NAGPA: variants seen among roughly 807,000 people sequenced by gnomAD.
NAGPA encodes N-acetylglucosamine-1-phosphodiester alpha-N-acetylglucosaminidase.
A neutral mutation model predicts 48.5 loss-of-function variants in NAGPA; 56 were observed. The ratio of observed to expected loss-of-function variants is 1.15; its 90% CI spans 0.93 to 1.44. The LOEUF (loss-of-function observed/expected upper bound fraction) is 1.44. NAGPA is among the 40% of genes most tolerant of loss of function. The pLI is 0.00. For missense variants in NAGPA, 888 were observed against 735.0 expected (o/e 1.21, Z -2.41); for synonymous variants, 399 against 315.5 (o/e 1.26, Z -2.81).
Position 5,031,815 on chromosome 16 carries a change from C to G in NAGPA, c.612G>C (p.Trp204Cys). ...TGTAGATGCTTCCATTACGAATCAGCCACACGACCCCACTCAGCAGCTGCA... is the reference window on the plus strand; with the variant it reads ...TGTAGATGCTTCCATTACGAATCAGGCACACGACCCCACTCAGCAGCTGCA... ...PFVQLLSGVV[W>C]LIRNGSIYIN... The change falls in exon 3 of 10, where the codon TGG (tryptophan) becomes TGC (cysteine). Residue 204 changes from tryptophan (W) to cysteine (C), a missense_variant. Transcript: ENST00000312251. 1 of 1,614,160 alleles carries G rather than the reference C, an allele frequency of 6.2e-7. No homozygotes were observed.
chr16:5,030,724 A>C, intron 3 of NAGPA: 4 of 586,698 alleles, frequency 6.8e-6, no homozygotes, highest in East Asian at 2.9e-5. Flanking sequence ...AGACCCTCTA[A>C]TGGTTTCCCC....
chr16:5,028,087 C>T lies in NAGPA; in HGVS notation c.1019G>A (p.Cys340Tyr), dbSNP rs1956036051. ...QPPDCHGHGT[C>Y]VDGHCQCTGH... is the part of the protein sequence containing the mutation. ...GGTGCATTGGCAGTGCCCGTCCACG[C>T]AGGTCCCGTGGCCGTGGCAGTCAGG... Residue 340 changes from cysteine (C) to tyrosine (Y), a missense_variant, in exon 6 of 10, where the codon TGC (cysteine) becomes TAC (tyrosine). Cys to Tyr is a radical substitution (Grantham distance 194). Coordinates refer to ENST00000312251, the MANE Select transcript of NAGPA (RefSeq NM_016256.4). 6.2e-7 allele frequency: 1 copy of T among 1,613,314 alleles called. No individual in the cohort carries two copies. Among genetic ancestry groups the T allele is most frequent in the Non-Finnish European group, 8.5e-7 (1 of 1,179,788 alleles).
Position 5,028,012 on chromosome 16 carries a change from G to A in NAGPA, c.1094C>T (p.Ser365Phe), listed in dbSNP as rs758613518. 2 of 1,613,242 alleles carry A rather than the reference G, an allele frequency of 1.2e-6. No individual in the cohort carries two copies. Among genetic ancestry groups the A allele is most frequent in the Non-Finnish European group, 1.7e-6 (2 of 1,179,870 alleles). ...GCACAGTCCGTGCTGGCTGCAGTTA[G>A]AGGGGCCACAGTCCAGCTCATCACA... is the stretch of plus-strand genomic sequence containing the variant. ...PGCDELDCGP[S>F]NCSQHGLCTE... The change falls in exon 6 of 10, where the codon TCT becomes TTT. Residue 365 changes from serine (S) to phenylalanine (F), a missense_variant. Ser to Phe is a radical substitution (Grantham distance 155). Transcript: ENST00000312251.
chr16:5,032,065 C>G (rs1263951907), intron 2 of NAGPA, among the ~76,000 whole-genome samples, 181 bp from the exon 3 acceptor site: 2 of 152,276 alleles, frequency 1.3e-5, no homozygotes, highest in South Asian at 2.1e-4. Flanking sequence ...GTTGTCAGAG[C>G]TGAAGCTGGA....
At chr16:5,028,264 CCT>C (rs1466259003) in intron 5 of NAGPA, 79 bp from the exon 6 acceptor site, 5 of 1,547,816 alleles carry the variant, frequency 3.2e-6, no homozygotes, top group South Asian at 1.2e-5. Flanking sequence ...CCCAACCACC[CCT>C]CTCTCCATTC....
chr16:5,030,461 C>T lies in NAGPA; in HGVS notation c.715G>A (p.Ala239Thr). The T allele has an allele frequency of 6.4e-7, 1 of 1,554,478 alleles. No individual in the cohort carries two copies. Among genetic ancestry groups the T allele is most frequent in the Non-Finnish European group, 8.7e-7 (1 of 1,148,276 alleles). The change falls in exon 4 of 10, where the codon GCC becomes ACC. Residue 239 changes from alanine (A) to threonine (T), a missense_variant. Physicochemically the swap from Ala to Thr is moderately conservative, Grantham distance 58 (BLOSUM62 0). Transcript: ENST00000312251. ...CGGTCGTGGCCAATGGCCGTCCTGGCTGATATCACATTCACAAATTTGCTA... is the reference window on the plus strand; with the variant it reads ...CGGTCGTGGCCAATGGCCGTCCTGGTTGATATCACATTCACAAATTTGCTA... ...SFSKFVNVIS[A>T]RTAIGHDRKG...
chr16:5,033,791 A>ACC lies in NAGPA; in HGVS notation c.86+36_86+37dup, dbSNP rs755613116. The ACC allele has an allele frequency of 1.3e-6, 2 of 1,565,944 alleles. No individual in the cohort carries two copies. The highest frequency in any genetic ancestry group is 2.7e-5 in the African/African-American group (2 of 73,518). ...CTCGTGAGCTCGGAGGACAGGGGGG[A>ACC]CCCCCCGAACCAGGCTGGCCCAGGG... On this transcript the variant is annotated intron_variant, in intron 1 of 9. Coordinates refer to ENST00000312251, the MANE Select transcript of NAGPA (RefSeq NM_016256.4). The surrounding 1 kb of genome is among the most constrained non-coding windows in gnomAD (Gnocchi z 4.2).
intron 4 of NAGPA, 148 bp downstream of exon 4, chr16:5,030,237 T>G: frequency 1.4e-6 from 1 of 721,076 alleles, no homozygotes; most frequent in Non-Finnish European, 2.4e-6. Context: ...CCTCATCCTG[T>G]GGGAAGGTGA....
Position 5,033,093 on chromosome 16 carries a change from G to GC in NAGPA, c.542+179dup. The stretch of plus-strand genomic sequence containing the variant: ...GGGCGCGGCACATTGCCTGATACAA[G>GC]CAAGTGCTCAATGATACTGGATGAT... On this transcript the variant is annotated intron_variant, in intron 2 of 9. Coordinates refer to ENST00000312251, the MANE Select transcript of NAGPA (RefSeq NM_016256.4). The surrounding 1 kb of genome is among the most constrained non-coding windows in gnomAD (Gnocchi z 4.2). The GC allele has an allele frequency of 1.3e-6, 1 of 744,712 alleles. No individual in the cohort carries two copies. The highest frequency in any genetic ancestry group is 2.2e-6 in the Non-Finnish European group (1 of 455,326). 46.1% of individuals were successfully genotyped at this position (744,712 alleles called of 1,614,324 possible). A position where few individuals can be genotyped will look rare whatever the true frequency, so the allele number is the denominator to read the frequency against.
At chr16:5,026,953 C>T (rs1956011613) in intron 9 of NAGPA, among the ~76,000 whole-genome samples, 182 bp downstream of exon 9, 1 of 152,170 alleles carries the variant, frequency 6.6e-6, no homozygotes, top group African/African-American at 2.4e-5. Context: ...AGGCTGGGCA[C>T]TCGAAGGCCC....
At position 5,033,917 on chromosome 16, in the gene NAGPA, T is replaced by C. The variant is rs965876900; in HGVS notation, c.-3A>G. 5.2e-6 allele frequency: 8 copies of C among 1,548,788 alleles called. No homozygotes were observed. The South Asian group carries it at 9.5e-5, about 18-fold the overall frequency. ...CAGCGACCCGTGGAGGTCGCCATAT[T>C]GGACCGGGGCCTCGGGTCATGTGGG... On this transcript the variant is annotated 5_prime_UTR_variant, in exon 1 of 10. Coordinates refer to ENST00000312251, the MANE Select transcript of NAGPA (RefSeq NM_016256.4). This position sits in a 1 kb window ranked among gnomAD's most constrained non-coding sequence, Gnocchi z 4.2.
At chr16:5,030,632 C>T (rs939063043) in intron 3 of NAGPA, 139 bp from the exon 4 acceptor site, 1 of 748,982 alleles carries the variant, frequency 1.3e-6, no homozygotes, top group Non-Finnish European at 2.3e-6. Context: ...TCCCTGCCTC[C>T]CCTCTGCACA....
intron 4 of NAGPA, 33 bp downstream of exon 4, chr16:5,030,352 C>T (rs1356462025): frequency 3.9e-6 from 6 of 1,540,976 alleles, no homozygotes; most frequent in Non-Finnish European, 5.3e-6. Flanking sequence ...AGGACTGAGC[C>T]CCGGCCGGGG....
intron 2 of NAGPA, 124 bp from the exon 3 acceptor site, chr16:5,032,008 G>A: frequency 7.7e-7 from 1 of 1,305,236 alleles, no homozygotes; most frequent in Non-Finnish European, 1.1e-6. Context: ...GAACCTCCTG[G>A]GGCCTGAGTG....
In NAGPA at chr16:5,028,962, C is replaced by G. The variant is rs147838773; in HGVS notation, c.838G>C (p.Val280Leu). The part of the protein sequence containing the change: ...MAEFLLKQDV[V>L]NAINLDGGGS... ...CCCCCATCCAGGTTGATGGCGTTGACCACGTCCTGTTTCAGCAGGAACTCC... is the reference window on the plus strand; with the variant it reads ...CCCCCATCCAGGTTGATGGCGTTGAGCACGTCCTGTTTCAGCAGGAACTCC... Residue 280 changes from valine to leucine, a missense_variant, in exon 5 of 10, where the codon GTC becomes CTC. Physicochemically the swap from Val to Leu is conservative, Grantham distance 32. Coordinates refer to ENST00000312251, the MANE Select transcript of NAGPA (RefSeq NM_016256.4). The G allele has an allele frequency of 6.1e-5, 98 of 1,614,006 alleles. 2 individuals carry two copies. In the African/African-American group the frequency reaches 1.2e-3, roughly 19 times the overall value.
intron 5 of NAGPA, chr16:5,028,492 C>T: frequency 3.1e-6 from 2 of 635,956 alleles, no homozygotes; most frequent in Middle Eastern, 3.3e-4. Flanking sequence ...ACCTCGGCCT[C>T]CCAAAGCACT....
rs776742736 is a variant in NAGPA at position 5,033,792 on chromosome 16, C to T, written c.86+37G>A. 7.0e-6 allele frequency: 11 copies of T among 1,567,852 alleles called. No individual in the cohort carries two copies. The highest frequency in any genetic ancestry group is 9.5e-6 in the Non-Finnish European group (11 of 1,157,344). On this transcript the variant is annotated intron_variant, in intron 1 of 9. Transcript: ENST00000312251. This position sits in a 1 kb window ranked among gnomAD's most constrained non-coding sequence, Gnocchi z 4.2. ...TCGTGAGCTCGGAGGACAGGGGGGA[C>T]CCCCCGAACCAGGCTGGCCCAGGGA... is the stretch of plus-strand genomic sequence containing the variant.
In NAGPA at chr16:5,025,659, G is replaced by A. The variant is rs747239903; in HGVS notation, c.1367C>T (p.Ala456Val). ...GCTGATCAGCAGGAGGAAGGCCAGC[G>A]CCAGGGTGAGGGCTAGCCAGGCGGT... ...TRTAWLALTL[A>V]LAFLLLISTA... Residue 456 changes from alanine to valine, a missense_variant, in exon 10 of 10, where the codon GCG becomes GTG. Ala to Val is a moderately conservative substitution (Grantham distance 64). Transcript: ENST00000312251. The A allele has an allele frequency of 8.1e-6, 13 of 1,612,532 alleles. No homozygotes were observed. The highest frequency in any genetic ancestry group is 6.7e-5 in the East Asian group (3 of 44,846).
At position 5,033,826 on chromosome 16, in the gene NAGPA, C is replaced by T. The variant is rs1956152332; in HGVS notation, c.86+3G>A. 2 of 1,552,548 alleles carry T rather than the reference C, an allele frequency of 1.3e-6. No homozygotes were observed. Among genetic ancestry groups the T allele is most frequent in the Non-Finnish European group, 1.7e-6 (2 of 1,148,832 alleles). On this transcript the variant is annotated splice_donor_region_variant and intron_variant, in intron 1 of 9. Transcript: ENST00000312251. The surrounding 1 kb of genome is among the most constrained non-coding windows in gnomAD (Gnocchi z 4.2). ...CCAGGCTGGCCCAGGGAGCTGCACT[C>T]ACCCCGAGTCGAGGCCGCCGGACGC...
Sources: gnomAD v4.1 joint callset for allele counts (sites outside exome capture counted in the v4.1 genomes callset) on GRCh38, gnomAD v4.1.1 for gene constraint, Gnocchi (gnomAD v3.1) non-coding constraint, MANE v1.5 for transcripts, NCBI Gene and HGNC (gene_info 2026-07-23, HGNC 2026-07-21) for gene names.